The following EFL1 variants were observed in gnomAD, a reference collection of about 807,000 sequenced individuals.
The protein encoded by EFL1 is elongation factor like GTPase 1.
In EFL1, 76 loss-of-function variants were observed where a neutral mutation model predicts 126.7. That is an observed-to-expected ratio of 0.60 (90% CI 0.50 to 0.73). The LOEUF (loss-of-function observed/expected upper bound fraction) is 0.73, where lower values mean the gene tolerates loss of function less well. Ranked by LOEUF, EFL1 falls within the 30% of genes least tolerant of loss-of-function variation. The pLI, the probability that EFL1 is intolerant of heterozygous loss-of-function variation, is 0.00. For synonymous variants in EFL1, 410 were observed against 448.4 expected (o/e 0.91, Z 1.08); for missense variants, 1,128 against 1,343.2 (o/e 0.84, Z 2.50).
chr15:82,221,501 C>T (rs940927596), intron 12 of EFL1, among the ~76,000 whole-genome samples: 6 of 152,112 alleles, frequency 3.9e-5, no homozygotes, highest in African/African-American at 1.4e-4. Context: ...TTCAGATATC[C>T]GCCTGCTGGA....
At chr15:82,169,986 A>G (rs2074116979) in intron 15 of EFL1, among the ~76,000 whole-genome samples, 1 of 152,128 alleles carries the variant, frequency 6.6e-6, no homozygotes, top group South Asian at 2.1e-4. Flanking sequence ...TGTTCATGTG[A>G]AGACAGAAAC....
chr15:82,138,532 TTGAC>T, intron 19 of EFL1, 122 bp downstream of exon 19: 1 of 1,085,842 alleles, frequency 9.2e-7, no homozygotes, highest in Non-Finnish European at 1.3e-6. Flanking sequence ...TCCTGTCCAT[TTGAC>T]TGAGTTGAGC....
intron 19 of EFL1, among the ~76,000 whole-genome samples, chr15:82,135,416 T>A (rs1042891939): frequency 6.6e-6 from 1 of 152,120 alleles, no homozygotes; most frequent in Non-Finnish European, 1.5e-5. Context: ...TCCCTAAATA[T>A]CCGTTCTCTA....
intron 15 of EFL1, among the ~76,000 whole-genome samples, chr15:82,169,492 G>T (rs889851437): frequency 2.6e-5 from 4 of 152,088 alleles, no homozygotes; most frequent in Admixed American, 6.5e-5. Context: ...AAGGAAACAA[G>T]AATAAAATCC....
intron 14 of EFL1, among the ~76,000 whole-genome samples, chr15:82,217,373 G>GAA: frequency 0.068 from 1,828 of 26,914 alleles, 247 homozygotes; most frequent in African/African-American, 0.15. Context: ...GATTAGATTT[G>GAA]AAAAAAAAAA....
In EFL1 at chr15:82,205,073, T is replaced by C. The variant is rs192660468; in HGVS notation, c.1750+9644A>G. Among the ~76,000 whole-genome samples, 5 of 152,320 alleles carry C rather than the reference T, an allele frequency of 3.3e-5. No homozygotes were observed. In the East Asian group the frequency reaches 9.6e-4, roughly 29 times the overall value. Reference sequence around the variant, plus strand: ...CTATGGCAGGGGAGACTGTCCCCTCTTTCCCAACAGGAAGCAAGAGGACCT... The same window carrying C: ...CTATGGCAGGGGAGACTGTCCCCTCCTTCCCAACAGGAAGCAAGAGGACCT... On this transcript the variant is annotated intron_variant, in intron 15 of 19. Coordinates refer to ENST00000268206, the MANE Select transcript of EFL1 (RefSeq NM_024580.6).
At chr15:82,136,597 G>T (rs185321033) in intron 19 of EFL1, among the ~76,000 whole-genome samples, 3 of 152,256 alleles carry the variant, frequency 2.0e-5, no homozygotes, top group African/African-American at 7.2e-5. Flanking sequence ...TTTTTCATTA[G>T]AACCATCAGT....
intron 3 of EFL1, among the ~76,000 whole-genome samples, chr15:82,254,526 A>G (rs1436549868): frequency 6.6e-6 from 1 of 152,136 alleles, no homozygotes; most frequent in Admixed American, 6.5e-5. Flanking sequence ...GGTAACCACT[A>G]TCTTGAATTT....
At chr15:82,154,687 G>T (rs2073949054) in intron 17 of EFL1, among the ~76,000 whole-genome samples, 1 of 152,098 alleles carries the variant, frequency 6.6e-6, no homozygotes, top group Non-Finnish European at 1.5e-5. Context: ...GATTTTTATT[G>T]TAATAGCCTC....
At chr15:82,222,351 G>A (rs377364995) in intron 12 of EFL1, among the ~76,000 whole-genome samples, 109 of 152,320 alleles carry the variant, frequency 7.2e-4, no homozygotes, top group African/African-American at 2.0e-3. Context: ...GTATGGCTCT[G>A]AAGTCTATGC....
At chr15:82,146,993 A>C (rs1041331867) in intron 18 of EFL1, among the ~76,000 whole-genome samples, 1 of 152,078 alleles carries the variant, frequency 6.6e-6, no homozygotes, top group African/African-American at 2.4e-5. Flanking sequence ...TGATATTTTG[A>C]GGTATTATCC....
chr15:82,172,468 G>A (rs2074146774), intron 15 of EFL1, among the ~76,000 whole-genome samples: 1 of 152,172 alleles, frequency 6.6e-6, no homozygotes, highest in Non-Finnish European at 1.5e-5. Flanking sequence ...TTAGTGAGCA[G>A]GGGCCAGTGC....
rs1316920137 is a variant in EFL1 at position 82,157,712 on chromosome 15, C to A, written c.2030+1G>T. ...CTCCATCGCTATCATTTTCACCTAA[C>A]CTTTCTTTTAAGTCATCCAGGCATC... On this transcript the variant is annotated splice_donor_variant, in intron 17 of 19. Coordinates refer to ENST00000268206, the MANE Select transcript of EFL1 (RefSeq NM_024580.6). LOFTEE classifies it high-confidence loss of function. 1.1e-5 allele frequency: 18 copies of A among 1,610,932 alleles called. No individual in the cohort carries two copies. The highest frequency in any genetic ancestry group is 1.3e-5 in the African/African-American group (1 of 74,832).
chr15:82,194,012 T>C (rs1044919138), intron 15 of EFL1, among the ~76,000 whole-genome samples: 5 of 152,200 alleles, frequency 3.3e-5, no homozygotes, highest in Non-Finnish European at 5.9e-5. Context: ...AAAATTCCTT[T>C]GTCTTTATAC....
In EFL1 at chr15:82,261,717, T is replaced by C; in HGVS notation, c.62A>G (p.Asn21Ser). 6.2e-7 allele frequency: 1 copy of C among 1,614,084 alleles called. No homozygotes were observed. Among genetic ancestry groups the C allele is most frequent in the Non-Finnish European group, 8.5e-7 (1 of 1,179,996 alleles). ...QLQKNTANIR[N>S]ICVLAHVDHG... ...GTCAACATGAGCCAAAACACAAATATTCCTGATGTTGGCAGTGTTTTTCTG... is the reference window on the plus strand; with the variant it reads ...GTCAACATGAGCCAAAACACAAATACTCCTGATGTTGGCAGTGTTTTTCTG... Residue 21 changes from asparagine to serine, a missense_variant, in exon 2 of 20, where the codon AAT becomes AGT. Asn to Ser is a conservative substitution (Grantham distance 46). Coordinates refer to ENST00000268206, the MANE Select transcript of EFL1 (RefSeq NM_024580.6).
At chr15:82,234,975 C>G (rs2074857942) in intron 7 of EFL1, among the ~76,000 whole-genome samples, 1 of 152,138 alleles carries the variant, frequency 6.6e-6, no homozygotes, top group South Asian at 2.1e-4. Context: ...ATTACCTACT[C>G]CATTCTGAAA....
chr15:82,139,178 G>C (rs1038756398), intron 18 of EFL1, among the ~76,000 whole-genome samples: 3 of 152,192 alleles, frequency 2.0e-5, no homozygotes, highest in African/African-American at 7.2e-5. Flanking sequence ...AATCCAATGA[G>C]ATGAGTGACT....
Position 82,259,147 on chromosome 15 carries a change from T to C in EFL1, c.100A>G (p.Thr34Ala), listed in dbSNP as rs1260816138. 7 of 1,613,832 alleles carry C rather than the reference T, an allele frequency of 4.3e-6. No individual in the cohort carries two copies. Among genetic ancestry groups the C allele is most frequent in the Non-Finnish European group, 5.9e-6 (7 of 1,179,894 alleles). The change falls in exon 3 of 20, where the codon ACT (threonine) becomes GCT (alanine). Residue 34 changes from threonine to alanine, a missense_variant. Around this residue, in one of 6 missense-constraint regions of EFL1, gnomAD observed 118 missense variants for 188.1 expected, o/e 0.63. Transcript: ENST00000268206. ...VLAHVDHGKT[T>A]LADCLISSNG... The stretch of plus-strand genomic sequence containing the variant: ...CTAGATATAAGACAGTCAGCCAGAG[T>C]AGTTTTTCCTGTTAAAATAGCAACA...
chr15:82,138,552 G>C (rs1464578180), intron 19 of EFL1, 106 bp downstream of exon 19: 3 of 1,361,162 alleles, frequency 2.2e-6, no homozygotes, highest in Non-Finnish European at 3.0e-6. Context: ...TGAGCCATAG[G>C]AAGGCCAAAT....
Sources: gnomAD v4.1 joint callset for allele counts (sites outside exome capture counted in the v4.1 genomes callset) on GRCh38, gnomAD v4.1.1 for gene constraint, gnomAD v4.1.1 regional missense constraint, MANE v1.5 for transcripts, NCBI Gene and HGNC (gene_info 2026-07-23, HGNC 2026-07-21) for gene names.